The following AKNA variants were observed in gnomAD, a reference collection of about 807,000 sequenced individuals.
The protein encoded by AKNA is AT-hook transcription factor, also known as microtubule organization protein AKNA.
In AKNA, 67 loss-of-function variants were observed where a neutral mutation model predicts 138.8. That is an observed-to-expected ratio of 0.48 (90% confidence interval 0.40 to 0.59). AKNA has a LOEUF of 0.59. Among genes scored for constraint, AKNA ranks in the 20% least tolerant of loss-of-function variants. The pLI is 0.00. For synonymous variants in AKNA, 737 were observed against 754.4 expected, an observed-to-expected ratio of 0.98 and a Z score of 0.38; for missense variants, 1,813 against 1,880.4, an observed-to-expected ratio of 0.96 and a Z score of 0.66.
At chr9:114,363,451 C>CA (rs1397797225) in intron 7 of AKNA, among the ~76,000 whole-genome samples, 3 of 151,942 alleles carry the variant, frequency 2.0e-5, no homozygotes, top group African/African-American at 4.8e-5. Context: ...GAACAGAGAG[C>CA]AAAAAAATGA....
downstream of AKNA, chr9:114,331,535 G>A (rs563042236): frequency 7.3e-5 from 114 of 1,566,372 alleles, no homozygotes; most frequent in South Asian, 1.1e-3. Context: ...GCCATCCCAT[G>A]TTCTCACCCA....
At chr9:114,330,861 C>T (rs148334624), downstream of AKNA, 73 of 1,613,218 alleles carry the variant, frequency 4.5e-5, no homozygotes, top group Admixed American at 1.0e-3. Context: ...TCTCCAGATA[C>T]GGTGAGGGCC....
chr9:114,331,623 ATGTT>A (rs757628557), downstream of AKNA: 2 of 1,613,948 alleles, frequency 1.2e-6, no homozygotes, highest in South Asian at 2.2e-5. Context: ...CAAGACCTTG[ATGTT>A]TGGTTCCTAC....
chr9:114,374,610 G>A (rs1414526589), intron 3 of AKNA, among the ~76,000 whole-genome samples: 2 of 152,204 alleles, frequency 1.3e-5, no homozygotes, highest in African/African-American at 4.8e-5. Context: ...CTAATTGAAT[G>A]AATCACCCAA....
At chr9:114,345,307 T>C (rs1359634710) in intron 18 of AKNA, 2 of 152,354 alleles carry the variant, frequency 1.3e-5, no homozygotes, top group Middle Eastern at 3.4e-3. Context: ...CTTGAACTAC[T>C]GATCTCAGGT....
At chr9:114,388,776 A>C (rs938221075), upstream of AKNA, among the ~76,000 whole-genome samples, 7 of 152,134 alleles carry the variant, frequency 4.6e-5, no homozygotes, top group African/African-American at 1.7e-4. Flanking sequence ...GGCAGGGCCG[A>C]AGACAGGCCA....
chr9:114,345,775 C>T (rs1175639265), intron 18 of AKNA, 88 bp downstream of exon 18: 14 of 1,287,252 alleles, frequency 1.1e-5, no homozygotes, highest in Non-Finnish European at 1.5e-5. Context: ...GAATGGCCCA[C>T]TGGGTATATG....
intron 4 of AKNA, among the ~76,000 whole-genome samples, chr9:114,371,472 CAGTGCCAGGGCCTG>C (rs1236183789): frequency 6.6e-6 from 1 of 152,240 alleles, no homozygotes; most frequent in Non-Finnish European, 1.5e-5. Context: ...TCTCCACACC[CAGTGCCAGGGCCTG>C]AGTGCCAGGG....
chr9:114,336,643 G>A lies in AKNA; in HGVS notation c.*411C>T, dbSNP rs746764318. The A allele has an allele frequency of 1.2e-4, 20 of 171,588 alleles. No homozygotes were observed. The highest frequency in any genetic ancestry group is 2.0e-4 in the South Asian group (1 of 5,002). 10.6% of individuals were successfully genotyped at this position (171,588 alleles called of 1,614,324 possible). On this transcript the variant is annotated 3_prime_UTR_variant, in exon 22 of 22. Coordinates refer to ENST00000374088, the MANE Select transcript of AKNA (RefSeq NM_001317950.2). ...GGGGGACAGGTTTGCTCCAGAAACC[G>A]TAGGCCTTTCTTGTCTGGCCCCCTA...
chr9:114,359,526 T>A, intron 11 of AKNA, 68 bp downstream of exon 11: 1 of 1,612,380 alleles, frequency 6.2e-7, no homozygotes, highest in African/African-American at 1.3e-5. Flanking sequence ...TTATTCACTC[T>A]GACAGTGATC....
Position 114,341,545 on chromosome 9 carries a change from G to A in AKNA, c.4055C>T (p.Pro1352Leu), listed in dbSNP as rs566785742. The A allele has an allele frequency of 2.4e-5, 38 of 1,614,152 alleles. No homozygotes were observed. Among genetic ancestry groups the A allele is most frequent in the East Asian group, 8.9e-5 (4 of 44,882 alleles). Residue 1352 changes from proline (P) to leucine (L), a missense_variant, in exon 21 of 22, where the codon CCA becomes CTA. By Grantham distance (98) the Pro-to-Leu change is moderately conservative (BLOSUM62 -3). Coordinates refer to ENST00000374088, the MANE Select transcript of AKNA (RefSeq NM_001317950.2). ...TGAAGGCTCTTACACAGCGGCAGGTGGATAAGGCATGATGGGAACCGAGGA... is the reference window on the plus strand; with the variant it reads ...TGAAGGCTCTTACACAGCGGCAGGTAGATAAGGCATGATGGGAACCGAGGA... The part of the protein sequence containing the change: ...YISSVPIMPY[P>L]PAAVYYAPAG...
intron 1 of AKNA, 123 bp from the exon 2 acceptor site, chr9:114,381,569 C>T (rs982442177): frequency 9.8e-7 from 1 of 1,016,970 alleles, no homozygotes. Flanking sequence ...TGTGTCCTCC[C>T]GAAGCTGTGT....
At chr9:114,395,527 G>A (rs558593217), upstream of AKNA, among the ~76,000 whole-genome samples, 14 of 152,160 alleles carry the variant, frequency 9.2e-5, no homozygotes, top group African/African-American at 3.1e-4. Context: ...GTCAGGGGCT[G>A]CTGCACTGCA....
intron 15 of AKNA, among the ~76,000 whole-genome samples, chr9:114,348,688 A>G (rs1446871579): frequency 6.6e-6 from 1 of 152,194 alleles, no homozygotes; most frequent in Non-Finnish European, 1.5e-5. Flanking sequence ...CAGTCCCTGC[A>G]TCTTCAGGGT....
chr9:114,357,616 A>C (rs1831595125), intron 12 of AKNA, among the ~76,000 whole-genome samples: 1 of 152,210 alleles, frequency 6.6e-6, no homozygotes, highest in South Asian at 2.1e-4. Context: ...GTGACTTTGC[A>C]GCAGTGATGT....
At chr9:114,346,132 C>T (rs1830670401) in intron 17 of AKNA, 123 bp from the exon 18 acceptor site, 2 of 970,740 alleles carry the variant, frequency 2.1e-6, no homozygotes, top group Admixed American at 2.4e-5. Context: ...CCAGTCTCCC[C>T]CTTAGGAGTA....
intron 1 of AKNA, among the ~76,000 whole-genome samples, chr9:114,382,285 G>A (rs1833741730): frequency 6.6e-6 from 1 of 152,088 alleles, no homozygotes; most frequent in Admixed American, 6.5e-5. Flanking sequence ...AGAGGTGGGG[G>A]AGGATGATGA....
intron 11 of AKNA, among the ~76,000 whole-genome samples, chr9:114,358,723 T>C (rs998206866): frequency 1.5e-4 from 22 of 149,368 alleles, no homozygotes; most frequent in African/African-American, 5.2e-4. Flanking sequence ...CAGTAAACTA[T>C]CACAAGGACA....
chr9:114,355,532 C>A (rs949259785), intron 14 of AKNA, among the ~76,000 whole-genome samples: 1 of 152,210 alleles, frequency 6.6e-6, no homozygotes, highest in Non-Finnish European at 1.5e-5. Context: ...ACCAGCATCA[C>A]CACAAACATG....
Sources: allele counts gnomAD v4.1 joint callset (sites outside exome capture counted in the v4.1 genomes callset), GRCh38; gene constraint gnomAD v4.1.1; transcripts MANE v1.5; gene names NCBI Gene and HGNC (gene_info 2026-07-23, HGNC 2026-07-21).